The following RBM33 variants were observed in gnomAD, a reference collection of about 807,000 sequenced individuals.
RBM33 encodes the protein RNA-binding protein 33.
A neutral mutation model predicts 132.6 loss-of-function variants in RBM33; 28 were observed. That is an observed-to-expected ratio of 0.21 (90% CI 0.16 to 0.29). The LOEUF (loss-of-function observed/expected upper bound fraction) is 0.29, where lower values mean the gene tolerates loss of function less well. RBM33 is among the 10% of genes least tolerant of loss of function. The pLI is 1.00. For missense variants in RBM33, 1,291 were observed against 1,518.5 expected, an observed-to-expected ratio of 0.85 and a Z score of 2.49; for synonymous variants, 634 against 593.0, an observed-to-expected ratio of 1.07 and a Z score of -1.01.
intron 16 of RBM33, among the ~76,000 whole-genome samples, chr7:155,768,711 G>C (rs1802306142): frequency 1.3e-5 from 2 of 152,226 alleles, no homozygotes; most frequent in Admixed American, 1.3e-4. Flanking sequence ...CCGCCTCCCG[G>C]GTTCAAGCGA....
At chr7:155,764,795 C>T (rs577767148) in intron 15 of RBM33, among the ~76,000 whole-genome samples, 3 of 152,342 alleles carry the variant, frequency 2.0e-5, no homozygotes, top group East Asian at 1.9e-4. Context: ...CAAGTCTGCC[C>T]GCTCATTCTC....
rs952088002 is a variant in RBM33 at position 155,766,572 on chromosome 7, T to C, written c.3292T>C (p.Cys1098Arg). 5.0e-6 allele frequency: 8 copies of C among 1,613,354 alleles called. No individual in the cohort carries two copies. Among genetic ancestry groups the C allele is most frequent in the African/African-American group, 1.3e-5 (1 of 75,030 alleles). The change falls in exon 16 of 18, where the codon TGC (cysteine) becomes CGC (arginine). Residue 1098 changes from cysteine to arginine, a missense_variant. By Grantham distance (180) the Cys-to-Arg change is radical. Coordinates refer to ENST00000401878, the MANE Select transcript of RBM33 (RefSeq NM_053043.3). Reference sequence around the variant, plus strand: ...GGTGGTGGAGTGCAAGCCCCAGCCCTGCGTGGTGTCTGTGGAGGGGCTGTC... The same window carrying C: ...GGTGGTGGAGTGCAAGCCCCAGCCCCGCGTGGTGTCTGTGGAGGGGCTGTC... ...LRVVECKPQP[C>R]VVSVEGLSSS...
intron 14 of RBM33, among the ~76,000 whole-genome samples, chr7:155,756,396 T>C (rs1004510284): frequency 6.6e-6 from 1 of 152,236 alleles, no homozygotes; most frequent in African/African-American, 2.4e-5. Context: ...AAATATGTAA[T>C]CAATTTGTTT....
chr7:155,759,685 C>T (rs1349100227), intron 14 of RBM33, among the ~76,000 whole-genome samples: 1 of 152,210 alleles, frequency 6.6e-6, no homozygotes, highest in Non-Finnish European at 1.5e-5. Flanking sequence ...TCCCAAAGCA[C>T]AGTTTAAAAA....
chr7:155,770,476 C>A (rs1191618768), intron 16 of RBM33, among the ~76,000 whole-genome samples: 3 of 152,198 alleles, frequency 2.0e-5, no homozygotes, highest in Non-Finnish European at 4.4e-5. Flanking sequence ...AGTGCCTCCC[C>A]CACCCGCTCT....
chr7:155,733,584 G>A (rs1471120949), intron 9 of RBM33, among the ~76,000 whole-genome samples: 1 of 121,056 alleles, frequency 8.3e-6, no homozygotes, highest in South Asian at 2.5e-4. Flanking sequence ...GACTCTGCCA[G>A]TGGACCAGGG....
At chr7:155,675,293 C>CA (rs71881256) in intron 3 of RBM33, among the ~76,000 whole-genome samples, 1,512 of 128,468 alleles carry the variant, frequency 0.012, 45 homozygotes, top group African/African-American at 0.036. Flanking sequence ...GACTCCGTCT[C>CA]AAAAAAAAAA....
intron 2 of RBM33, among the ~76,000 whole-genome samples, chr7:155,667,659 G>A (rs367993240): frequency 1.1e-4 from 16 of 152,262 alleles, no homozygotes; most frequent in African/African-American, 1.7e-4. Flanking sequence ...ATTGTGGTCA[G>A]AGTAGATGAT....
intron 5 of RBM33, chr7:155,685,063 A>G: frequency 6.5e-7 from 1 of 1,547,420 alleles, no homozygotes; most frequent in South Asian, 1.2e-5. Context: ...GTATTTGTTC[A>G]TCTTTTAAAA....
At position 155,774,512 on chromosome 7, in the gene RBM33, T is replaced by C; in HGVS notation, c.3376-47T>C. On this transcript the variant is annotated intron_variant, in intron 16 of 17. Coordinates refer to ENST00000401878, the MANE Select transcript of RBM33 (RefSeq NM_053043.3). This position sits in a 1 kb window ranked among gnomAD's most constrained non-coding sequence, Gnocchi z 4.2. Reference sequence around the variant, plus strand: ...CTTAAATATATATATTCATATTTTTTATTGTCATTTACAACTGATCTTAAA... The same window carrying C: ...CTTAAATATATATATTCATATTTTTCATTGTCATTTACAACTGATCTTAAA... The C allele has an allele frequency of 7.5e-7, 1 of 1,338,746 alleles. No individual in the cohort carries two copies. The highest frequency in any genetic ancestry group is 1.1e-6 in the Non-Finnish European group (1 of 931,836). The allele number at this position is 1,338,746 out of a possible 1,614,324, so 82.9% of individuals were successfully genotyped here. A position where few individuals can be genotyped will look rare whatever the true frequency, so the allele number is the denominator to read the frequency against.
At chr7:155,706,070 C>T (rs960096895) in intron 6 of RBM33, among the ~76,000 whole-genome samples, 1 of 152,114 alleles carries the variant, frequency 6.6e-6, no homozygotes, top group African/African-American at 2.4e-5. Context: ...TGAGAATGAT[C>T]GGGAATTTGT....
intron 3 of RBM33, among the ~76,000 whole-genome samples, chr7:155,677,557 A>G (rs1056942358): frequency 6.6e-6 from 1 of 152,152 alleles, no homozygotes; most frequent in Admixed American, 6.6e-5. Context: ...GTTATCACAC[A>G]TATCTGTTCT....
chr7:155,752,809 A>G (rs1801726873), intron 14 of RBM33, among the ~76,000 whole-genome samples: 1 of 152,120 alleles, frequency 6.6e-6, no homozygotes, highest in African/African-American at 2.4e-5. Context: ...ATGCAGCTCA[A>G]GTGGGTCGTC....
intron 4 of RBM33, among the ~76,000 whole-genome samples, chr7:155,680,110 G>A (rs547798001): frequency 8.6e-4 from 131 of 152,218 alleles, no homozygotes; most frequent in Non-Finnish European, 1.5e-3. Flanking sequence ...TATCACAGAT[G>A]TAAGAAAAAA....
chr7:155,763,429 C>G (rs1219758747), intron 14 of RBM33, among the ~76,000 whole-genome samples: 5 of 152,224 alleles, frequency 3.3e-5, no homozygotes, highest in Non-Finnish European at 5.9e-5. Flanking sequence ...CTCATGCAAA[C>G]TGTACATTTT....
In RBM33 at chr7:155,737,253, T is replaced by C. The variant is rs1172725757; in HGVS notation, c.1261-277T>C. ...GCTACCATCTAGGTGCGCGTGTGTG[T>C]GTGTGTGTGTGTGATTACAATACAC... On this transcript the variant is annotated intron_variant, in intron 9 of 17. Transcript: ENST00000401878. Among the ~76,000 whole-genome samples the C allele has an allele frequency of 5.1e-4, 77 of 150,934 alleles. 1 individual carries two copies. The highest frequency in any genetic ancestry group is 1.8e-3 in the African/African-American group (73 of 40,716).
chr7:155,737,995 A>G (rs1801184216), intron 10 of RBM33, 65 bp from the exon 11 acceptor site: 3 of 1,394,260 alleles, frequency 2.2e-6, no homozygotes, highest in Non-Finnish European at 3.0e-6. Flanking sequence ...AGTGCTTCAG[A>G]CTGCTTTTCT....
intron 7 of RBM33, 75 bp from the exon 8 acceptor site, chr7:155,711,128 A>T: frequency 7.0e-7 from 1 of 1,424,336 alleles, no homozygotes; most frequent in Non-Finnish European, 9.2e-7. Flanking sequence ...ATTCTTTTAA[A>T]TGTTGATTTC....
In RBM33 at chr7:155,774,013, C is replaced by T. The variant is rs1802524534; in HGVS notation, c.3376-546C>T. Among the ~76,000 whole-genome samples, 1 of 152,188 alleles carries T rather than the reference C, an allele frequency of 6.6e-6. No homozygotes were observed. ...CTGGTGTTCACAAACTCTTAAAGTA[C>T]AAAATGTGACCACGTTATGCTGATG... On this transcript the variant is annotated intron_variant, in intron 16 of 17. Transcript: ENST00000401878. This position sits in a 1 kb window ranked among gnomAD's most constrained non-coding sequence, Gnocchi z 4.2.
Sources: gnomAD v4.1 joint callset for allele counts (sites outside exome capture counted in the v4.1 genomes callset) on GRCh38, gnomAD v4.1.1 for gene constraint, Gnocchi (gnomAD v3.1) non-coding constraint, MANE v1.5 for transcripts, NCBI Gene and HGNC (gene_info 2026-07-23, HGNC 2026-07-21) for gene names.